The following WDR76 variants were observed in gnomAD, a reference collection of about 807,000 sequenced individuals.
WDR76 encodes WD repeat-containing protein 76.
Under a neutral mutation model 70.2 loss-of-function variants are expected in WDR76, and 52 were observed. The ratio of observed to expected loss-of-function variants is 0.74; its 90% CI spans 0.59 to 0.93. The LOEUF is 0.93. WDR76 is among the 40% of genes least tolerant of loss of function. The pLI, the probability that WDR76 is intolerant of heterozygous loss-of-function variation, is 0.00. For synonymous variants in WDR76, 292 were observed against 271.1 expected, an observed-to-expected ratio of 1.08 and a Z score of -0.76; for missense variants, 756 against 760.2, an observed-to-expected ratio of 0.99 and a Z score of 0.07.
intron 2 of WDR76, among the ~76,000 whole-genome samples, chr15:43,829,796 G>A (rs1008926309): frequency 3.3e-5 from 5 of 151,950 alleles, no homozygotes; most frequent in Middle Eastern, 3.4e-3. Flanking sequence ...GTGAGCCACC[G>A]CGCCTGGCCT....
intron 2 of WDR76, among the ~76,000 whole-genome samples, chr15:43,833,560 C>A (rs1449617875): frequency 6.6e-6 from 1 of 151,720 alleles, no homozygotes; most frequent in African/African-American, 2.4e-5. Flanking sequence ...ACCTTGTGAT[C>A]TGCCTGCCTC....
chr15:43,828,525 T>C (rs1290723559), intron 2 of WDR76, among the ~76,000 whole-genome samples, 159 bp downstream of exon 2: 1 of 152,236 alleles, frequency 6.6e-6, no homozygotes, highest in Non-Finnish European at 1.5e-5. Flanking sequence ...TTTTAAGGTT[T>C]AACAAATAAC....
chr15:43,858,229 C>T (rs1273976140), intron 10 of WDR76, among the ~76,000 whole-genome samples: 1 of 150,256 alleles, frequency 6.7e-6, no homozygotes, highest in Non-Finnish European at 1.5e-5. Flanking sequence ...CCATGCCTGG[C>T]CTTAGAGAGT....
Position 43,828,079 on chromosome 15 carries a change from T to A in WDR76, c.175T>A (p.Tyr59Asn), listed in dbSNP as rs922318181. Residue 59 changes from tyrosine (Y) to asparagine (N), a missense_variant, in exon 2 of 13, where the codon TAC becomes AAC. Transcript: ENST00000263795. ...VYLAPFSLSN[Y>N]QLDQLMCPKS... The stretch of plus-strand genomic sequence containing the variant: ...TCTTGCCCCCTTTTCACTCAGTAAT[T>A]ACCAGCTAGACCAGCTTATGTGCCC... The A allele has an allele frequency of 6.2e-7, 1 of 1,614,230 alleles. No homozygotes were observed. The highest frequency in any genetic ancestry group is 8.5e-7 in the Non-Finnish European group (1 of 1,180,034).
chr15:43,831,308 T>C lies in WDR76; in HGVS notation c.462+2942T>C, dbSNP rs149194622. On this transcript the variant is annotated intron_variant, in intron 2 of 12. Coordinates refer to ENST00000263795, the MANE Select transcript of WDR76 (RefSeq NM_024908.4). ...CACCTTGCCAGGCTAATTTTGACTT[T>C]TTATTTTGTAGAGATGTGGGTGTGC... 3.3e-3 allele frequency among the ~76,000 whole-genome samples: 508 copies of C among 152,094 alleles called. 3 individuals carry two copies. The highest frequency in any genetic ancestry group is 6.1e-3 in the Non-Finnish European group (414 of 68,010).
intron 2 of WDR76, among the ~76,000 whole-genome samples, chr15:43,832,665 C>T (rs1441357468): frequency 4.7e-5 from 7 of 149,544 alleles, no homozygotes; most frequent in African/African-American, 1.5e-4. Context: ...AGGCTGGTCT[C>T]GAACTCCTGA....
At position 43,866,461 on chromosome 15, in the gene WDR76, CT is replaced by C; in HGVS notation, c.*71del. On this transcript the variant is annotated 3_prime_UTR_variant, in exon 13 of 13. Transcript: ENST00000263795. The stretch of plus-strand genomic sequence containing the variant: ...CTAAGGAGCCTAGTAATCGGCGTGC[CT>C]TAGTGTGTTTATGTGGTAATGTGTT... 6.4e-7 allele frequency: 1 copy of C among 1,559,218 alleles called. No individual in the cohort carries two copies. Among genetic ancestry groups the C allele is most frequent in the Non-Finnish European group, 8.8e-7 (1 of 1,140,054 alleles).
chr15:43,830,127 A>C (rs527844112), intron 2 of WDR76, among the ~76,000 whole-genome samples: 1 of 151,922 alleles, frequency 6.6e-6, no homozygotes, highest in East Asian at 1.9e-4. Context: ...TCAGACTCCC[A>C]AAGTGCTAGG....
intron 9 of WDR76, 93 bp from the exon 10 acceptor site, chr15:43,856,853 A>G: frequency 9.2e-7 from 1 of 1,086,522 alleles, no homozygotes; most frequent in Admixed American, 2.7e-5. Context: ...TATTTGGGTA[A>G]AGTGTTTTAT....
rs1298649707 is a variant in WDR76 at position 43,851,205 on chromosome 15, C to G, written c.1151C>G (p.Thr384Arg). ...AHILSLSYDG[T>R]LRCGDFSRAI... ...ATACTGTCACTGAGCTATGATGGCA[C>G]GTTACGCTGTGGGGATTTTTCCAGG... The change falls in exon 9 of 13, where the codon ACG becomes AGG. Residue 384 changes from threonine (T) to arginine (R), a missense_variant. Thr to Arg is a moderately conservative substitution (Grantham distance 71). Transcript: ENST00000263795. The G allele has an allele frequency of 1.2e-6, 2 of 1,614,016 alleles. No homozygotes were observed. The highest frequency in any genetic ancestry group is 2.7e-5 in the African/African-American group (2 of 74,904).
intron 10 of WDR76, chr15:43,858,424 T>G (rs905203672): frequency 1.6e-5 from 6 of 383,966 alleles, no homozygotes; most frequent in Non-Finnish European, 2.4e-5. Flanking sequence ...TAATCTTGTA[T>G]TTTTAGTAGA....
At chr15:43,858,501 C>A in intron 10 of WDR76, 170 bp from the exon 11 acceptor site, 4 of 732,600 alleles carry the variant, frequency 5.5e-6, no homozygotes, top group Non-Finnish European at 8.4e-6. Context: ...CTGCCTCCAC[C>A]TCCCAAAGTG....
intron 4 of WDR76, among the ~76,000 whole-genome samples, chr15:43,836,930 C>A (rs1321781784): frequency 6.6e-6 from 1 of 151,248 alleles, no homozygotes; most frequent in Non-Finnish European, 1.5e-5. Flanking sequence ...ATCCCAGCTA[C>A]TCAAGAGGCT....
chr15:43,837,326 A>C (rs1335782532), intron 4 of WDR76, among the ~76,000 whole-genome samples: 1 of 152,216 alleles, frequency 6.6e-6, no homozygotes, highest in African/African-American at 2.4e-5. Flanking sequence ...AGGTATTTTC[A>C]AGTGTGAAAA....
At chr15:43,833,632 T>G (rs7170751) in intron 2 of WDR76, among the ~76,000 whole-genome samples, 25,317 of 148,624 alleles carry the variant, frequency 0.17, 2,899 homozygotes, top group African/African-American at 0.32. Flanking sequence ...TCTTTTTTTT[T>G]TTTGTTTGTT....
chr15:43,864,613 A>T (rs1322953270), intron 12 of WDR76, among the ~76,000 whole-genome samples: 3 of 150,376 alleles, frequency 2.0e-5, no homozygotes, highest in African/African-American at 7.3e-5. Flanking sequence ...TTTTTTTTTT[A>T]AACGGAGTCT....
At chr15:43,856,924 T>C in intron 9 of WDR76, 22 bp from the exon 10 acceptor site, 1 of 1,592,496 alleles carries the variant, frequency 6.3e-7, no homozygotes, top group East Asian at 2.2e-5. Context: ...TGATATAAGC[T>C]GATTGTTACT....
chr15:43,860,198 C>T (rs907629432), intron 11 of WDR76, among the ~76,000 whole-genome samples: 6 of 152,148 alleles, frequency 3.9e-5, no homozygotes, highest in Non-Finnish European at 7.4e-5. Flanking sequence ...TGAGCTGTGA[C>T]GGTGCCATTG....
chr15:43,862,355 T>C (rs1260439552), intron 12 of WDR76, among the ~76,000 whole-genome samples: 2 of 148,402 alleles, frequency 1.3e-5, no homozygotes, highest in African/African-American at 5.0e-5. Flanking sequence ...TCTCACTTTG[T>C]AGCCCAGGCT....
Sources: allele counts gnomAD v4.1 joint callset (sites outside exome capture counted in the v4.1 genomes callset), GRCh38; gene constraint gnomAD v4.1.1; transcripts MANE v1.5; gene names NCBI Gene and HGNC (gene_info 2026-07-23, HGNC 2026-07-21).